Variants in RERE observed in about 807,000 individuals in gnomAD.
The protein encoded by RERE is arginine-glutamic acid dipeptide repeats.
Under a neutral mutation model 146.1 loss-of-function variants are expected in RERE, and 40 were observed. The observed-to-expected ratio is 0.27, with a 90% confidence interval of 0.21 to 0.36. RERE has a LOEUF of 0.36. Ranked by LOEUF, RERE falls within the 10% of genes least tolerant of loss-of-function variation. The pLI is 1.00. For synonymous variants in RERE, 1,003 were observed against 866.0 expected, an observed-to-expected ratio of 1.16 and a Z score of -2.78; for missense variants, 1,933 against 2,138.7, an observed-to-expected ratio of 0.90 and a Z score of 1.90.
At chr1:8,635,363 C>T (rs1647084720) in intron 2 of RERE, among the ~76,000 whole-genome samples, 1 of 152,138 alleles carries the variant, frequency 6.6e-6, no homozygotes, top group Non-Finnish European at 1.5e-5. Flanking sequence ...CTTTCATAAT[C>T]AAAATTAGCA....
At chr1:8,420,128 C>T (rs1643885957) in intron 12 of RERE, among the ~76,000 whole-genome samples, 2 of 152,208 alleles carry the variant, frequency 1.3e-5, no homozygotes, top group African/African-American at 4.8e-5. Flanking sequence ...AGTTCCAAGT[C>T]ACTTGCGAAT....
chr1:8,517,977 G>A (rs936376812), intron 7 of RERE, among the ~76,000 whole-genome samples: 1 of 152,212 alleles, frequency 6.6e-6, no homozygotes, highest in African/African-American at 2.4e-5. Flanking sequence ...TCTGTGAGAA[G>A]AGCATGCCTG....
intron 12 of RERE, 57 bp from the exon 13 acceptor site, chr1:8,366,031 G>C: frequency 6.5e-7 from 1 of 1,545,092 alleles, no homozygotes; most frequent in Non-Finnish European, 8.9e-7. Context: ...CGTGCCCCAC[G>C]CACCCTCTCT....
chr1:8,587,644 T>A (rs1646442044), intron 4 of RERE, among the ~76,000 whole-genome samples: 1 of 152,306 alleles, frequency 6.6e-6, no homozygotes, highest in East Asian at 1.9e-4. Flanking sequence ...TAAAACACGA[T>A]CTTGGCTCCC....
At chr1:8,608,491 G>A (rs1646750234) in intron 4 of RERE, among the ~76,000 whole-genome samples, 1 of 152,082 alleles carries the variant, frequency 6.6e-6, no homozygotes, top group Non-Finnish European at 1.5e-5. Flanking sequence ...GTGACAGAGT[G>A]AGACCCTGTC....
chr1:8,526,579 C>T (rs1401469010), intron 7 of RERE, among the ~76,000 whole-genome samples: 2 of 151,778 alleles, frequency 1.3e-5, no homozygotes, highest in Non-Finnish European at 2.9e-5. Context: ...AGCAGGGTAG[C>T]TAAAGAAAAC....
Position 8,452,043 on chromosome 1 carries a change from A to T in RERE, c.1203+13882T>A, listed in dbSNP as rs74512512. On this transcript the variant is annotated intron_variant, in intron 11 of 22. Coordinates refer to ENST00000400908, the MANE Select transcript of RERE (RefSeq NM_001042681.2). ...CCCATAAGCTTCATCCAAACTGGGC[A>T]ACAACTTGCTACTAACCAACCACTC... Among the ~76,000 whole-genome samples, 289 of 152,312 alleles carry T rather than the reference A, an allele frequency of 1.9e-3. 2 individuals are homozygous for T. The East Asian group carries it at 0.037, about 19-fold the overall frequency.
At chr1:8,509,266 A>G (rs1645297417) in intron 7 of RERE, among the ~76,000 whole-genome samples, 1 of 152,100 alleles carries the variant, frequency 6.6e-6, no homozygotes, top group African/African-American at 2.4e-5. Flanking sequence ...TCATTCTTTC[A>G]TGCCTCAGAG....
chr1:8,388,419 A>C (rs1263897052), intron 12 of RERE, among the ~76,000 whole-genome samples: 2 of 151,458 alleles, frequency 1.3e-5, no homozygotes, highest in Non-Finnish European at 2.9e-5. Context: ...TCCCGGGTTC[A>C]CGCCATTCTC....
chr1:8,423,595 C>G lies in RERE; in HGVS notation c.1204-788G>C. 1.0e-6 allele frequency: 1 copy of G among 985,294 alleles called. No homozygotes were observed. Among genetic ancestry groups the G allele is most frequent in the Non-Finnish European group, 1.2e-6 (1 of 829,900 alleles). The allele number at this position is 985,294 out of a possible 1,614,324, so 61.0% of individuals were successfully genotyped here. On this transcript the variant is annotated intron_variant, in intron 11 of 22. Transcript: ENST00000400908. The surrounding 1 kb of genome is among the most constrained non-coding windows in gnomAD (Gnocchi z 5.4). Reference sequence around the variant, plus strand: ...CCCAGCCTGGTCCCGGGCGGCCGACCCCAGCAGCCACAGGTAAGCGCCCGG... The same window carrying G: ...CCCAGCCTGGTCCCGGGCGGCCGACGCCAGCAGCCACAGGTAAGCGCCCGG...
intron 1 of RERE, among the ~76,000 whole-genome samples, chr1:8,717,529 G>C (rs1229076679): frequency 6.6e-6 from 1 of 152,162 alleles, no homozygotes; most frequent in Admixed American, 6.5e-5. Flanking sequence ...GCACCAAGTG[G>C]CAAATTAAGA....
At chr1:8,792,729 G>A (rs770624464) in intron 1 of RERE, 1 of 152,164 alleles carries the variant, frequency 6.6e-6, no homozygotes, top group Non-Finnish European at 1.5e-5. Context: ...CTCTCTCTTT[G>A]GTGCTTTAGC....
intron 4 of RERE, among the ~76,000 whole-genome samples, chr1:8,602,950 G>A (rs1453718071): frequency 2.0e-5 from 3 of 152,174 alleles, no homozygotes; most frequent in Non-Finnish European, 1.5e-5. Flanking sequence ...GGACAAAAAG[G>A]TGAATGAAAC....
At chr1:8,709,372 G>A (rs1191097425) in intron 1 of RERE, among the ~76,000 whole-genome samples, 4 of 150,900 alleles carry the variant, frequency 2.7e-5, no homozygotes, top group Admixed American at 6.6e-5. Flanking sequence ...CACCCACCTC[G>A]GCCTCCCAAA....
intron 12 of RERE, among the ~76,000 whole-genome samples, chr1:8,418,202 C>A (rs1643829992): frequency 1.3e-5 from 2 of 152,192 alleles, no homozygotes; most frequent in South Asian, 4.1e-4. Flanking sequence ...TTGAACTATA[C>A]ACAAAATTTA....
chr1:8,530,216 T>A (rs1055329220), intron 7 of RERE, among the ~76,000 whole-genome samples: 2 of 152,142 alleles, frequency 1.3e-5, no homozygotes, highest in African/African-American at 4.8e-5. Context: ...TAATCCCAAG[T>A]GAACAACAGG....
intron 1 of RERE, among the ~76,000 whole-genome samples, chr1:8,794,976 C>G (rs1032580384): frequency 1.3e-5 from 2 of 151,968 alleles, no homozygotes; most frequent in African/African-American, 2.4e-5. Flanking sequence ...TCACGCCCAG[C>G]TAATATTTTT....
At chr1:8,778,153 A>G (rs1196840827) in intron 1 of RERE, among the ~76,000 whole-genome samples, 2 of 152,170 alleles carry the variant, frequency 1.3e-5, no homozygotes, top group South Asian at 2.1e-4. Flanking sequence ...ATTACATAAA[A>G]TTTATCTATT....
intron 1 of RERE, among the ~76,000 whole-genome samples, chr1:8,736,872 A>ACT (rs1557512933): frequency 2.1e-5 from 3 of 145,814 alleles, no homozygotes; most frequent in African/African-American, 7.5e-5. Flanking sequence ...AAAAAAAAAA[A>ACT]AAACTAAAAC....
Sources: gnomAD v4.1 joint callset for allele counts (sites outside exome capture counted in the v4.1 genomes callset) on GRCh38, gnomAD v4.1.1 for gene constraint, Gnocchi (gnomAD v3.1) non-coding constraint, MANE v1.5 for transcripts, NCBI Gene and HGNC (gene_info 2026-07-23, HGNC 2026-07-21) for gene names.